DBF4B: variants seen among roughly 807,000 people sequenced by gnomAD.
DBF4B encodes protein DBF4 homolog B.
A neutral mutation model predicts 53.4 loss-of-function variants in DBF4B; 49 were observed. The observed-to-expected ratio is 0.92, with a 90% confidence interval of 0.73 to 1.16. The LOEUF is 1.16. Among genes scored for constraint, DBF4B ranks in the 50% most tolerant of loss-of-function variants. The pLI, the probability that DBF4B is intolerant of heterozygous loss-of-function variation, is 0.00. For missense variants in DBF4B, 692 were observed against 775.0 expected (o/e 0.89, Z 1.27); for synonymous variants, 257 against 288.7 (o/e 0.89, Z 1.11).
chr17:44,710,045 T>C (rs949115071), intron 2 of DBF4B, among the ~76,000 whole-genome samples: 1 of 151,896 alleles, frequency 6.6e-6, no homozygotes, highest in Non-Finnish European at 1.5e-5. Context: ...TGGTGAGGCG[T>C]GCCTGTAGTC....
intron 6 of DBF4B, chr17:44,732,520 C>T (rs541050137): frequency 4.3e-6 from 2 of 464,136 alleles, no homozygotes; most frequent in African/African-American, 2.0e-5. Flanking sequence ...TGCTACAGCT[C>T]TCCCCCAGCT....
In DBF4B at chr17:44,708,737, T is replaced by C. The variant is rs1000081163; in HGVS notation, c.-84T>C. 51 of 1,493,286 alleles carry C rather than the reference T, an allele frequency of 3.4e-5. No individual in the cohort carries two copies. Among genetic ancestry groups the C allele is most frequent in the Non-Finnish European group, 2.8e-5 (31 of 1,105,284 alleles). 92.5% of individuals were successfully genotyped at this position (1,493,286 alleles called of 1,614,324 possible). A position where few individuals can be genotyped will look rare whatever the true frequency, so the allele number is the denominator to read the frequency against. On this transcript the variant is annotated 5_prime_UTR_variant, in exon 1 of 14. Coordinates refer to ENST00000315005, the MANE Select transcript of DBF4B (RefSeq NM_145663.3). ...CCCTGAGATAACCAGGACTGTGGAA[T>C]CGGGAAGAGCTCATGGAGCTCGCGA...
At chr17:44,719,167 A>G (rs935112687) in intron 2 of DBF4B, 1 of 151,822 alleles carries the variant, frequency 6.6e-6, no homozygotes, top group East Asian at 2.0e-4. Flanking sequence ...GGGTTTCACC[A>G]TGTTGGCCAG....
At chr17:44,711,611 A>G (rs1292815434) in intron 2 of DBF4B, among the ~76,000 whole-genome samples, 1 of 152,144 alleles carries the variant, frequency 6.6e-6, no homozygotes, top group African/African-American at 2.4e-5. Context: ...CAGGAGTTCA[A>G]GACCAGCCTG....
At chr17:44,712,730 C>T (rs551585941) in intron 2 of DBF4B, among the ~76,000 whole-genome samples, 1 of 151,318 alleles carries the variant, frequency 6.6e-6, no homozygotes, top group Non-Finnish European at 1.5e-5. Context: ...TGAGCCACCA[C>T]ACCCGGCCTG....
At chr17:44,709,904 C>G (rs1233702917) in intron 2 of DBF4B, among the ~76,000 whole-genome samples, 1 of 151,572 alleles carries the variant, frequency 6.6e-6, no homozygotes, top group Non-Finnish European at 1.5e-5. Flanking sequence ...CCGGGCGCGG[C>G]TGCTCACGCC....
rs529881950 is a variant in DBF4B at position 44,738,314 on chromosome 17, A to G, written c.668-65A>G. ...AGCCTTCCCTCTCAGCATTTCCTGC[A>G]TGTGTGGTGCAGGCCCTGCACAGGG... On this transcript the variant is annotated intron_variant, in intron 8 of 13. Coordinates refer to ENST00000315005, the MANE Select transcript of DBF4B (RefSeq NM_145663.3). The G allele has an allele frequency of 1.6e-5, 24 of 1,509,662 alleles. No homozygotes were observed. The South Asian group carries it at 2.9e-4, about 18-fold the overall frequency. 93.5% of individuals were successfully genotyped at this position (1,509,662 alleles called of 1,614,324 possible). A position where few individuals can be genotyped will look rare whatever the true frequency, so the allele number is the denominator to read the frequency against.
intron 7 of DBF4B, among the ~76,000 whole-genome samples, chr17:44,734,437 A>G (rs575667372): frequency 2.0e-5 from 3 of 152,182 alleles, no homozygotes; most frequent in Non-Finnish European, 2.9e-5. Context: ...GGCTCCCTAC[A>G]GTAGTTCTGG....
At chr17:44,709,172 G>A (rs1972633891) in intron 1 of DBF4B, 132 bp from the exon 2 acceptor site, 3 of 1,178,510 alleles carry the variant, frequency 2.5e-6, no homozygotes, top group African/African-American at 1.5e-5. Flanking sequence ...ATGTAGGTCG[G>A]AATGGAGTTG....
At chr17:44,736,302 T>C (rs1975426878) in intron 7 of DBF4B, among the ~76,000 whole-genome samples, 1 of 152,112 alleles carries the variant, frequency 6.6e-6, no homozygotes, top group South Asian at 2.1e-4. Context: ...CTTTTTAATA[T>C]CAGCTTTGTT....
At chr17:44,723,182 C>A (rs190924529) in intron 3 of DBF4B, among the ~76,000 whole-genome samples, 160 bp downstream of exon 3, 1 of 152,220 alleles carries the variant, frequency 6.6e-6, no homozygotes, top group African/African-American at 2.4e-5. Flanking sequence ...TCTCAGCTCA[C>A]TGCAACCTCT....
chr17:44,725,681 C>CTTTTTTTTTTTT (rs1568172432), intron 3 of DBF4B, among the ~76,000 whole-genome samples: 1 of 79,092 alleles, frequency 1.3e-5, no homozygotes, highest in African/African-American at 7.5e-5. Flanking sequence ...TTTTTTTGTG[C>CTTTTTTTTTTTT]TTCTTTTTTT....
In DBF4B at chr17:44,751,807, A is replaced by C. The variant is rs2049282059; in HGVS notation, c.*554A>C. ...GTCATGGACAGGCTACTGGTGACCA[A>C]AGTTGGTTCCTTTTCTCCTTTCTTT... On this transcript the variant is annotated 3_prime_UTR_variant, in exon 14 of 14. Coordinates refer to ENST00000315005, the MANE Select transcript of DBF4B (RefSeq NM_145663.3). The C allele has an allele frequency of 2.0e-6, 3 of 1,528,274 alleles. No individual in the cohort carries two copies. The highest frequency in any genetic ancestry group is 1.2e-5 in the South Asian group (1 of 83,090). The allele number at this position is 1,528,274 out of a possible 1,614,324, so 94.7% of individuals were successfully genotyped here.
At chr17:44,725,684 C>CTTCTTTTTTT (rs777349094) in intron 3 of DBF4B, among the ~76,000 whole-genome samples, 24 of 87,648 alleles carry the variant, frequency 2.7e-4, no homozygotes, top group African/African-American at 1.1e-3. Flanking sequence ...TTTTGTGCTT[C>CTTCTTTTTTT]TTTTTTTTTT....
intron 2 of DBF4B, 138 bp downstream of exon 2, chr17:44,709,504 T>A: frequency 2.0e-6 from 2 of 1,001,160 alleles, no homozygotes; most frequent in Non-Finnish European, 3.0e-6. Flanking sequence ...TTTTATTTAT[T>A]GGGATGGGGT....
At chr17:44,728,201 C>G (rs185180598) in intron 3 of DBF4B, among the ~76,000 whole-genome samples, 1 of 152,204 alleles carries the variant, frequency 6.6e-6, no homozygotes, top group East Asian at 1.9e-4. Context: ...ATGCAATAAG[C>G]TAAACTAGCT....
chr17:44,750,347 A>C, intron 13 of DBF4B: 2 of 1,301,036 alleles, frequency 1.5e-6, no homozygotes, highest in Non-Finnish European at 1.9e-6. Context: ...AAGCTTCCGG[A>C]AGCCTGATGC....
chr17:44,715,581 GTTGAATTTTTA>G (rs1466215628), intron 2 of DBF4B, among the ~76,000 whole-genome samples: 1 of 151,612 alleles, frequency 6.6e-6, no homozygotes, highest in African/African-American at 2.4e-5. Context: ...TCCAATTTTC[GTTGAATTTTTA>G]ATTTCTATAA....
intron 9 of DBF4B, among the ~76,000 whole-genome samples, chr17:44,739,305 T>TA (rs1975763517): frequency 1.3e-5 from 2 of 152,254 alleles, no homozygotes; most frequent in African/African-American, 4.8e-5. Flanking sequence ...TCAGACTAAA[T>TA]AAATTTTTTA....
Sources: allele counts gnomAD v4.1 joint callset (sites outside exome capture counted in the v4.1 genomes callset), GRCh38; gene constraint gnomAD v4.1.1; transcripts MANE v1.5; gene names NCBI Gene and HGNC (gene_info 2026-07-23, HGNC 2026-07-21).